Variants in FOXP1 observed in about 807,000 individuals in gnomAD.
FOXP1 encodes the protein forkhead box P1.
In FOXP1, 15 loss-of-function variants were observed where a neutral mutation model predicts 98.2. The observed-to-expected ratio is 0.15, with a 90% CI of 0.10 to 0.24. The LOEUF is 0.24. Among genes scored for constraint, FOXP1 ranks in the 10% least tolerant of loss-of-function variants. The pLI is 1.00. For synonymous variants in FOXP1, 371 were observed against 314.5 expected, an observed-to-expected ratio of 1.18 and a Z score of -1.90; for missense variants, 633 against 848.5, an observed-to-expected ratio of 0.75 and a Z score of 3.15.
At chr3:71,051,326 G>T (rs2049861236) in intron 9 of FOXP1, among the ~76,000 whole-genome samples, 1 of 152,098 alleles carries the variant, frequency 6.6e-6, no homozygotes, top group African/African-American at 2.4e-5. Context: ...CCCCAAAACT[G>T]CCCCTACTCT....
At chr3:71,377,683 G>A (rs1223825787) in intron 3 of FOXP1, among the ~76,000 whole-genome samples, 2 of 152,146 alleles carry the variant, frequency 1.3e-5, no homozygotes, top group East Asian at 3.8e-4. Flanking sequence ...CCTGGTGTAA[G>A]GTTTCTTGGT....
chr3:71,246,004 C>A lies in FOXP1; in HGVS notation c.-11-47612G>T, dbSNP rs930035115. Among the ~76,000 whole-genome samples, 12 of 152,034 alleles carry A rather than the reference C, an allele frequency of 7.9e-5. No individual in the cohort carries two copies. In the South Asian group the frequency reaches 2.1e-3, roughly 26 times the overall value. ...ATCACTTAGTACGAAAACCACCCCC[C>A]CCCCACCACAAAGCAGTGAGTGAAA... On this transcript the variant is annotated intron_variant, in intron 5 of 20. Transcript: ENST00000649528.
rs370638902 is a variant in FOXP1 at position 71,198,205 on chromosome 3, TTGC to T, written c.174_176del (p.Gln60del). On this transcript the variant is annotated inframe_deletion, in exon 6 of 21. Coordinates refer to ENST00000649528, the MANE Select transcript of FOXP1 (RefSeq NM_001349338.3). ...CCAAGACTCCAAAGCCCAGTACCTG[TTGC>T]TGCTGCTGCTGGGCGTGGGCGAGGT... The T allele has an allele frequency of 2.5e-6, 4 of 1,613,754 alleles. No individual in the cohort carries two copies. Among genetic ancestry groups the T allele is most frequent in the Middle Eastern group, 1.7e-4 (1 of 6,060 alleles).
chr3:70,982,130 T>G (rs2107407618), intron 14 of FOXP1, among the ~76,000 whole-genome samples: 1 of 152,288 alleles, frequency 6.6e-6, no homozygotes, highest in South Asian at 2.1e-4. Flanking sequence ...AAACCAAACC[T>G]GCTCTCTTAA....
intron 11 of FOXP1, 138 bp from the exon 12 acceptor site, chr3:71,015,791 T>G: frequency 1.6e-6 from 1 of 625,216 alleles, no homozygotes; most frequent in Non-Finnish European, 2.9e-6. Context: ...CCATCCCATG[T>G]AATTGACTAA....
intron 3 of FOXP1, among the ~76,000 whole-genome samples, chr3:71,404,120 C>CTTTTTTTTTTTTTTTTTTTTT (rs869086663): frequency 3.2e-5 from 2 of 62,702 alleles, no homozygotes; most frequent in Non-Finnish European, 5.6e-5. Context: ...TTTTCTTTTT[C>CTTTTTTTTTTTTTTTTTTTTT]TTTTTTTTTT....
At position 71,197,886 on chromosome 3, in the gene FOXP1, T is replaced by C. The variant is rs199522017; in HGVS notation, c.180+316A>G. ...GCATGAAAGCAGTGGGAACCATTTC[T>C]CCAAAGAATAATTTTATTCAAAATG... is the stretch of plus-strand genomic sequence containing the variant. On this transcript the variant is annotated intron_variant, in intron 6 of 20. Transcript: ENST00000649528. 4.6e-5 allele frequency: 75 copies of C among 1,614,048 alleles called. No individual in the cohort carries two copies. In the Middle Eastern group the frequency reaches 4.9e-4, roughly 11 times the overall value.
chr3:71,257,712 A>C (rs950471940), intron 5 of FOXP1, among the ~76,000 whole-genome samples: 3 of 152,194 alleles, frequency 2.0e-5, no homozygotes, highest in Non-Finnish European at 4.4e-5. Flanking sequence ...CAGGACTCTT[A>C]ATCTGGATTT....
intron 2 of FOXP1, among the ~76,000 whole-genome samples, chr3:71,568,651 T>G (rs1280786478): frequency 4.9e-5 from 5 of 101,212 alleles, no homozygotes; most frequent in Non-Finnish European, 1.2e-4. Flanking sequence ...TGAATTTTTT[T>G]TCTTTTTTTT....
intron 6 of FOXP1, among the ~76,000 whole-genome samples, chr3:71,177,432 T>C (rs773660905): frequency 4.6e-5 from 7 of 152,158 alleles, no homozygotes; most frequent in Admixed American, 2.6e-4. Flanking sequence ...TGACAAAACA[T>C]TTCAGGAAAC....
intron 5 of FOXP1, among the ~76,000 whole-genome samples, chr3:71,218,037 T>C (rs1400772344): frequency 6.6e-6 from 1 of 152,162 alleles, no homozygotes; most frequent in East Asian, 1.9e-4. Context: ...CTCACCTCTT[T>C]GCTGAAACTG....
intron 3 of FOXP1, among the ~76,000 whole-genome samples, chr3:71,361,355 T>G (rs1322881081): frequency 6.6e-6 from 1 of 152,126 alleles, no homozygotes; most frequent in Non-Finnish European, 1.5e-5. Flanking sequence ...CCCCATGAGT[T>G]TGGACTCTTA....
chr3:71,098,471 A>G (rs1291818033), intron 7 of FOXP1, among the ~76,000 whole-genome samples: 1 of 152,162 alleles, frequency 6.6e-6, no homozygotes, highest in African/African-American at 2.4e-5. Flanking sequence ...CATCAACCCA[A>G]TGAAAGATTT....
intron 7 of FOXP1, among the ~76,000 whole-genome samples, chr3:71,070,323 A>T (rs1163812047): frequency 6.6e-6 from 1 of 152,148 alleles, no homozygotes; most frequent in Non-Finnish European, 1.5e-5. Flanking sequence ...AACAACCTGT[A>T]TTACTGTTGG....
intron 6 of FOXP1, chr3:71,130,762 A>G: frequency 1.4e-6 from 2 of 1,444,498 alleles, no homozygotes; most frequent in Non-Finnish European, 1.8e-6. Context: ...AAGAAACCAC[A>G]AGAATTCCTC....
chr3:71,471,724 C>T (rs1323208005), intron 3 of FOXP1, among the ~76,000 whole-genome samples: 2 of 152,096 alleles, frequency 1.3e-5, no homozygotes, highest in African/African-American at 4.8e-5. Context: ...CTTCAAGGAC[C>T]CCACATGTTT....
chr3:71,477,139 A>T (rs2089918874), intron 3 of FOXP1, among the ~76,000 whole-genome samples: 1 of 152,162 alleles, frequency 6.6e-6, no homozygotes, highest in African/African-American at 2.4e-5. Flanking sequence ...CTGTAGCAAC[A>T]GGTGCACAAT....
At chr3:71,018,548 A>G (rs1174921551) in intron 11 of FOXP1, among the ~76,000 whole-genome samples, 4 of 152,200 alleles carry the variant, frequency 2.6e-5, no homozygotes, top group Non-Finnish European at 5.9e-5. Flanking sequence ...CTAACACATT[A>G]TTATTTTAAA....
At chr3:71,483,884 A>G (rs553573273) in intron 3 of FOXP1, among the ~76,000 whole-genome samples, 1 of 152,272 alleles carries the variant, frequency 6.6e-6, no homozygotes, top group East Asian at 1.9e-4. Context: ...TGAAAAAAGA[A>G]CAGAAGGAAC....
Sources: allele counts gnomAD v4.1 joint callset (sites outside exome capture counted in the v4.1 genomes callset), GRCh38; gene constraint gnomAD v4.1.1; transcripts MANE v1.5; gene names NCBI Gene and HGNC (gene_info 2026-07-23, HGNC 2026-07-21).